Variants in CNOT2 observed in about 807,000 individuals in gnomAD.
CNOT2 encodes CCR4-NOT transcription complex subunit 2, also known as CC chemokine receptor 4-negative regulator of transcription 2.
In CNOT2, 7 loss-of-function variants were observed where a neutral mutation model predicts 72.1. That is an observed-to-expected ratio of 0.10 (90% CI 0.06 to 0.18). CNOT2 has a LOEUF of 0.18. CNOT2 is among the 10% of genes least tolerant of loss of function. CNOT2 has a pLI of 1.00. For missense variants in CNOT2, 345 were observed against 660.3 expected (o/e 0.52, Z 5.23); for synonymous variants, 196 against 225.6 (o/e 0.87, Z 1.17).
chr12:70,251,763 C>T (rs913224221), intron 1 of CNOT2, among the ~76,000 whole-genome samples: 1 of 152,142 alleles, frequency 6.6e-6, no homozygotes, highest in African/African-American at 2.4e-5. Flanking sequence ...ACTCTGTAGT[C>T]TATCTTTTAG....
chr12:70,352,395 T>A (rs959646275), intron 15 of CNOT2, among the ~76,000 whole-genome samples: 1 of 152,232 alleles, frequency 6.6e-6, no homozygotes, highest in Non-Finnish European at 1.5e-5. Context: ...AGGCTTTCAA[T>A]AAATTCTGCT....
chr12:70,326,454 C>CT (rs3837458), intron 4 of CNOT2, among the ~76,000 whole-genome samples: 22,494 of 148,680 alleles, frequency 0.15, 1,989 homozygotes, highest in Admixed American at 0.28. Context: ...TCCCATTTTT[C>CT]TTTTTTTTTC....
intron 1 of CNOT2, among the ~76,000 whole-genome samples, chr12:70,253,464 A>ATTTATTTTTTTGAAAGTTGAGAAATGTAC (rs2135709206): frequency 6.6e-6 from 1 of 152,212 alleles, no homozygotes; most frequent in South Asian, 2.1e-4. Context: ...AGCACCTTTT[A>ATTTATTTTTTTGAAAGTTGAGAAATGTAC]TTTATTTTTT....
At chr12:70,334,767 T>G (rs916475669) in intron 7 of CNOT2, 1 of 152,094 alleles carries the variant, frequency 6.6e-6, no homozygotes, top group Non-Finnish European at 1.5e-5. Flanking sequence ...CTATATATAT[T>G]TATTGAGCGC....
chr12:70,330,597 T>C, intron 6 of CNOT2, 128 bp downstream of exon 6: 1 of 521,710 alleles, frequency 1.9e-6, no homozygotes, highest in South Asian at 4.2e-5. Context: ...TGCATTTATG[T>C]CCAAAGATTC....
chr12:70,303,236 T>C (rs1182671117), intron 2 of CNOT2, among the ~76,000 whole-genome samples: 1 of 152,232 alleles, frequency 6.6e-6, no homozygotes, highest in East Asian at 1.9e-4. Flanking sequence ...AGTATTGTTA[T>C]GTGTGAATTT....
At chr12:70,268,244 G>C (rs1286764937) in intron 1 of CNOT2, among the ~76,000 whole-genome samples, 1 of 151,942 alleles carries the variant, frequency 6.6e-6, no homozygotes, top group African/African-American at 2.4e-5. Context: ...TAGAATTCTG[G>C]GTGGACAGTT....
intron 13 of CNOT2, 139 bp downstream of exon 13, chr12:70,342,446 G>A (rs1312130831): frequency 3.0e-6 from 3 of 996,690 alleles, no homozygotes; most frequent in Non-Finnish European, 4.4e-6. Context: ...ATGTTAACTT[G>A]TTAAATGGTA....
rs145166237 is a variant in CNOT2 at position 70,291,906 on chromosome 12, C to T, written c.48+13632C>T. ...GAGCCGAGATCGTGCCACTGCACTC[C>T]AGTCTGGGCGACAGAGTGAGACTCC... On this transcript the variant is annotated intron_variant, in intron 2 of 15. Transcript: ENST00000229195. Among the ~76,000 whole-genome samples, 370 of 152,280 alleles carry T rather than the reference C, an allele frequency of 2.4e-3. 1 individual carries two copies. The highest frequency in any genetic ancestry group is 8.6e-3 in the African/African-American group (359 of 41,544).
At chr12:70,319,964 G>A (rs77814517) in intron 4 of CNOT2, among the ~76,000 whole-genome samples, 14,445 of 151,588 alleles carry the variant, frequency 0.095, 893 homozygotes, top group Middle Eastern at 0.19. Flanking sequence ...AGAGCCTAGT[G>A]CATAGTAAGT....
At chr12:70,290,660 T>C (rs1871732438) in intron 2 of CNOT2, 1 of 146,100 alleles carries the variant, frequency 6.8e-6, no homozygotes, top group African/African-American at 2.6e-5. Context: ...ACTCTCTCGG[T>C]TGGAAGTGAA....
chr12:70,304,610 A>G lies in CNOT2; in HGVS notation c.49-6285A>G, dbSNP rs567245924. The stretch of plus-strand genomic sequence containing the variant: ...CCGTGTGGGGTGTCAGTCCGCCCCT[A>G]CTGGGGGGTCAGGGACCCACTTGTG... On this transcript the variant is annotated intron_variant, in intron 2 of 15. Transcript: ENST00000229195. 9.9e-5 allele frequency among the ~76,000 whole-genome samples: 15 copies of G among 152,232 alleles called. No homozygotes were observed. In the East Asian group the frequency reaches 2.9e-3, roughly 29 times the overall value.
In CNOT2 at chr12:70,353,913, T is replaced by TAAAAAAA. The variant is rs35192504; in HGVS notation, c.*17_*23dup. On this transcript the variant is annotated frameshift_variant and stop_retained_variant, in exon 16 of 16. Transcript: ENST00000229195. LOFTEE classifies it high-confidence loss of function. ...CTACAACCCTGCTCAGCAAGCCTTC[T>TAAAAAAA]AAAAAAAAAAAAAAAAAAAAAAAAA... The TAAAAAAA allele has an allele frequency of 4.1e-5, 52 of 1,275,428 alleles. No individual in the cohort carries two copies. In the African/African-American group the frequency reaches 6.5e-4, roughly 16 times the overall value. The allele number at this position is 1,275,428 out of a possible 1,614,324, so 79.0% of individuals were successfully genotyped here.
chr12:70,307,147 G>A (rs888997539), intron 2 of CNOT2, among the ~76,000 whole-genome samples: 1 of 152,148 alleles, frequency 6.6e-6, no homozygotes, highest in African/African-American at 2.4e-5. Flanking sequence ...GTATACTACT[G>A]TGGACATTGG....
At chr12:70,246,584 G>A (rs952733526) in intron 1 of CNOT2, among the ~76,000 whole-genome samples, 1 of 152,116 alleles carries the variant, frequency 6.6e-6, no homozygotes, top group Non-Finnish European at 1.5e-5. Flanking sequence ...ACTAAGAGCA[G>A]TTTCTACCTG....
At chr12:70,278,569 G>A in intron 2 of CNOT2, 3 of 297,684 alleles carry the variant, frequency 1.0e-5, no homozygotes, top group South Asian at 6.8e-5. Flanking sequence ...AATTCAAAAT[G>A]GTAAAAACAA....
chr12:70,301,103 G>C (rs984345669), intron 2 of CNOT2, among the ~76,000 whole-genome samples: 2 of 152,166 alleles, frequency 1.3e-5, no homozygotes, highest in Admixed American at 6.5e-5. Context: ...TTGATTATCA[G>C]CTTAAGGAGA....
At chr12:70,343,795 C>G (rs143506390) in intron 13 of CNOT2, among the ~76,000 whole-genome samples, 144 of 152,286 alleles carry the variant, frequency 9.5e-4, no homozygotes, top group African/African-American at 3.3e-3. Flanking sequence ...TCCTAGATCT[C>G]TGAGCACAAT....
intron 1 of CNOT2, among the ~76,000 whole-genome samples, chr12:70,267,384 C>A (rs951392450): frequency 6.6e-6 from 1 of 152,208 alleles, no homozygotes; most frequent in African/African-American, 2.4e-5. Context: ...ACATGGTCTT[C>A]TTTCTCTTCC....
Sources: gnomAD v4.1 joint callset for allele counts (sites outside exome capture counted in the v4.1 genomes callset) on GRCh38, gnomAD v4.1.1 for gene constraint, MANE v1.5 for transcripts, NCBI Gene and HGNC (gene_info 2026-07-23, HGNC 2026-07-21) for gene names.